Variants in MDGA2 observed in about 807,000 individuals in gnomAD.
The protein encoded by MDGA2 is MAM domain-containing glycosylphosphatidylinositol anchor protein 2.
A neutral mutation model predicts 117.8 loss-of-function variants in MDGA2; 40 were observed. The observed-to-expected ratio is 0.34, with a 90% CI of 0.26 to 0.44. MDGA2 has a LOEUF of 0.44. Among genes scored for constraint, MDGA2 ranks in the 20% least tolerant of loss-of-function variants. The probability of loss-of-function intolerance (pLI) is 1.00; values close to 1 mark genes in which losing one functional copy is unlikely to be tolerated. For synonymous variants in MDGA2, 452 were observed against 439.0 expected (o/e 1.03, Z -0.37); for missense variants, 1,123 against 1,250.6 (o/e 0.90, Z 1.54).
chr14:47,599,045 C>T (rs1283825790), intron 1 of MDGA2, among the ~76,000 whole-genome samples: 1 of 151,858 alleles, frequency 6.6e-6, no homozygotes, highest in Non-Finnish European at 1.5e-5. Context: ...ATCTCGTGTG[C>T]TACAACCACC....
At chr14:47,067,610 A>C (rs1890133013) in intron 6 of MDGA2, among the ~76,000 whole-genome samples, 1 of 152,180 alleles carries the variant, frequency 6.6e-6, no homozygotes, top group Non-Finnish European at 1.5e-5. Context: ...CTTTCCAACC[A>C]ACAATTTAGA....
intron 8 of MDGA2, among the ~76,000 whole-genome samples, chr14:47,028,677 T>C (rs751366207): frequency 1.9e-4 from 29 of 152,216 alleles, no homozygotes; most frequent in Non-Finnish European, 3.2e-4. Flanking sequence ...ATTGGAAGAA[T>C]TGTTATAAAC....
In MDGA2 at chr14:47,627,534, T is replaced by TG. The variant is rs775411979; in HGVS notation, c.280+46982dup. 1.3e-5 allele frequency among the ~76,000 whole-genome samples: 2 copies of TG among 152,142 alleles called. 1 individual carries two copies. The highest frequency in any genetic ancestry group is 1.3e-4 in the Admixed American group (2 of 15,274). On this transcript the variant is annotated intron_variant, in intron 1 of 16. Coordinates refer to ENST00000399232, the MANE Select transcript of MDGA2 (RefSeq NM_001113498.3). ...AACACTCTGTTTCTAGCTAATCTAG[T>TG]GGGGGCCTGGAGAACTTTTGTGCCT...
chr14:47,333,650 C>T (rs570477095), intron 1 of MDGA2, among the ~76,000 whole-genome samples: 1 of 151,724 alleles, frequency 6.6e-6, no homozygotes, highest in Non-Finnish European at 1.5e-5. Context: ...ATAGGCCACA[C>T]AACACAAATA....
chr14:47,149,854 A>G (rs891920748), intron 3 of MDGA2, among the ~76,000 whole-genome samples: 7 of 152,006 alleles, frequency 4.6e-5, no homozygotes, highest in African/African-American at 1.4e-4. Flanking sequence ...ATTTTATTCA[A>G]TCTCTTATTC....
At chr14:46,947,559 A>G (rs979634520) in intron 9 of MDGA2, among the ~76,000 whole-genome samples, 1 of 151,890 alleles carries the variant, frequency 6.6e-6, no homozygotes, top group Non-Finnish European at 1.5e-5. Flanking sequence ...CATGGGGGCA[A>G]GTCTTTCCCA....
Position 47,665,863 on chromosome 14 carries a change from G to A in MDGA2, c.280+8654C>T, listed in dbSNP as rs144464431. Among the ~76,000 whole-genome samples, 569 of 106,406 alleles carry A rather than the reference G, an allele frequency of 5.3e-3. 4 individuals carry two copies. Among genetic ancestry groups the A allele is most frequent in the Admixed American group, 0.01 (90 of 8,654 alleles). The allele number at this position is 106,406 out of a possible 152,430, so 69.8% of individuals were successfully genotyped here. ...GCCCCACCCCACCATGGACTCCTGC[G>A]TTGCCTCAGCCTCCCTGAGGAGCGC... On this transcript the variant is annotated intron_variant, in intron 1 of 16. Transcript: ENST00000399232.
intron 1 of MDGA2, among the ~76,000 whole-genome samples, chr14:47,603,085 T>C (rs769832757): frequency 3.3e-5 from 5 of 152,170 alleles, no homozygotes; most frequent in African/African-American, 4.8e-5. Context: ...GGGGTTTAAA[T>C]TGATGAGTCT....
intron 1 of MDGA2, among the ~76,000 whole-genome samples, chr14:47,642,105 G>A (rs1027541311): frequency 3.9e-5 from 6 of 152,076 alleles, no homozygotes; most frequent in African/African-American, 1.4e-4. Context: ...AGGGGAACTT[G>A]CTCTTACAGA....
chr14:46,966,210 C>T lies in MDGA2; in HGVS notation c.1820-8567G>A, dbSNP rs115484319. ...CCATTTATAGAAGAAAAAGAAAAGACGAACAGAAAAATTAAGCAAGTCACC... is the reference window on the plus strand; with the variant it reads ...CCATTTATAGAAGAAAAAGAAAAGATGAACAGAAAAATTAAGCAAGTCACC... On this transcript the variant is annotated intron_variant, in intron 8 of 16. Coordinates refer to ENST00000399232, the MANE Select transcript of MDGA2 (RefSeq NM_001113498.3). 2.9e-3 allele frequency among the ~76,000 whole-genome samples: 436 copies of T among 152,042 alleles called. 2 individuals are homozygous for T. Among genetic ancestry groups the T allele is most frequent in the African/African-American group, 9.8e-3 (407 of 41,508 alleles).
chr14:47,223,346 A>C, intron 2 of MDGA2, among the ~76,000 whole-genome samples: 1 of 152,238 alleles, frequency 6.6e-6, no homozygotes, highest in South Asian at 2.1e-4. Flanking sequence ...AATGAATAAA[A>C]AACTCATCTG....
chr14:47,250,738 A>G (rs1887418681), intron 2 of MDGA2, among the ~76,000 whole-genome samples: 1 of 152,238 alleles, frequency 6.6e-6, no homozygotes, highest in African/African-American at 2.4e-5. Context: ...CAGCCTGAAG[A>G]GACAAAGAAA....
At chr14:47,209,213 G>T (rs903148307) in intron 3 of MDGA2, among the ~76,000 whole-genome samples, 1 of 152,008 alleles carries the variant, frequency 6.6e-6, no homozygotes, top group Non-Finnish European at 1.5e-5. Context: ...CCAATTATAA[G>T]GTTCTACAGG....
At chr14:47,195,643 GT>G (rs1885263316) in intron 3 of MDGA2, among the ~76,000 whole-genome samples, 1 of 152,026 alleles carries the variant, frequency 6.6e-6, no homozygotes, top group Non-Finnish European at 1.5e-5. Flanking sequence ...ATTGACTTTT[GT>G]TGTGTATCTT....
At chr14:47,452,760 T>A (rs1433309399) in intron 1 of MDGA2, among the ~76,000 whole-genome samples, 6 of 152,036 alleles carry the variant, frequency 3.9e-5, no homozygotes, top group Non-Finnish European at 8.8e-5. Flanking sequence ...TCCAATAGAA[T>A]GTTAACAGAA....
At chr14:47,214,213 ACT>A (rs1185250280) in intron 3 of MDGA2, among the ~76,000 whole-genome samples, 4 of 152,060 alleles carry the variant, frequency 2.6e-5, no homozygotes, top group Admixed American at 6.6e-5. Context: ...CTCAGAAGAC[ACT>A]CAGAAGCGAT....
chr14:47,016,668 T>C (rs1245978719), intron 8 of MDGA2, among the ~76,000 whole-genome samples: 11 of 152,060 alleles, frequency 7.2e-5, no homozygotes, highest in Admixed American at 7.2e-4. Flanking sequence ...ACACAGCTTT[T>C]GGAACTGTGA....
chr14:47,508,551 G>T (rs1353221172), intron 1 of MDGA2, among the ~76,000 whole-genome samples: 1 of 152,064 alleles, frequency 6.6e-6, no homozygotes. Context: ...TGTTTTTGGT[G>T]GTTATTTCCA....
chr14:47,189,269 T>C (rs1041261031), intron 3 of MDGA2, among the ~76,000 whole-genome samples: 49 of 152,066 alleles, frequency 3.2e-4, no homozygotes, highest in Non-Finnish European at 6.2e-4. Flanking sequence ...CACGCTAAAC[T>C]ATATGAACAA....
Sources: allele counts gnomAD v4.1 joint callset (sites outside exome capture counted in the v4.1 genomes callset), GRCh38; gene constraint gnomAD v4.1.1; transcripts MANE v1.5; gene names NCBI Gene and HGNC (gene_info 2026-07-23, HGNC 2026-07-21).